Variants in TFRC observed in about 807,000 individuals in gnomAD.
TFRC encodes transferrin receptor protein 1.
A neutral mutation model predicts 85.8 loss-of-function variants in TFRC; 35 were observed. The observed-to-expected ratio is 0.41, with a 90% CI of 0.31 to 0.54. The LOEUF (loss-of-function observed/expected upper bound fraction) is 0.54, where lower values mean the gene tolerates loss of function less well. Among genes scored for constraint, TFRC ranks in the 20% least tolerant of loss-of-function variants. The probability of loss-of-function intolerance (pLI) is 0.31; values close to 1 mark genes in which losing one functional copy is unlikely to be tolerated. For missense variants in TFRC, 828 were observed against 921.5 expected, an observed-to-expected ratio of 0.90 and a Z score of 1.31; for synonymous variants, 362 against 328.6, an observed-to-expected ratio of 1.10 and a Z score of -1.10.
intron 9 of TFRC, among the ~76,000 whole-genome samples, chr3:196,067,172 A>T (rs1305626929): frequency 6.6e-6 from 1 of 152,256 alleles, no homozygotes; most frequent in African/African-American, 2.4e-5. Context: ...TTTTATCCCA[A>T]TATGAATTCT....
chr3:196,073,053 A>C (rs867292727), intron 4 of TFRC, among the ~76,000 whole-genome samples: 8 of 102,530 alleles, frequency 7.8e-5, no homozygotes, highest in South Asian at 3.2e-4. Flanking sequence ...AAAAAAAAAA[A>C]AAAAAAACCC....
At chr3:196,054,358 TCATGTCATTG>T (rs1716595920) in intron 17 of TFRC, among the ~76,000 whole-genome samples, 1 of 152,052 alleles carries the variant, frequency 6.6e-6, no homozygotes, top group African/African-American at 2.4e-5. Flanking sequence ...TGAGCCGAGA[TCATGTCATTG>T]CATTCCAGCC....
At chr3:196,073,878 T>A (rs950823595) in intron 4 of TFRC, 52 bp downstream of exon 4, 7 of 1,557,286 alleles carry the variant, frequency 4.5e-6, no homozygotes, top group Non-Finnish European at 6.1e-6. Context: ...CCGTGGCCTA[T>A]CATAATTCTT....
chr3:196,072,623 C>T (rs145294053), intron 4 of TFRC, among the ~76,000 whole-genome samples: 184 of 152,212 alleles, frequency 1.2e-3, no homozygotes, highest in South Asian at 7.7e-3. Context: ...GTGGACTATA[C>T]TCTCACTTTA....
chr3:196,051,638 G>C lies in TFRC; in HGVS notation c.*304C>G, dbSNP rs1716314965. 8.3e-6 allele frequency: 3 copies of C among 363,466 alleles called. No homozygotes were observed. Among genetic ancestry groups the C allele is most frequent in the African/African-American group, 6.2e-5 (3 of 48,292 alleles). 22.5% of individuals were successfully genotyped at this position (363,466 alleles called of 1,614,324 possible). On this transcript the variant is annotated 3_prime_UTR_variant, in exon 19 of 19. Transcript: ENST00000360110. ...TTCAGAGAGATCATTCACATAACTGGTTTCTGACATTTTCATTAACAACAA... is the reference window on the plus strand; with the variant it reads ...TTCAGAGAGATCATTCACATAACTGCTTTCTGACATTTTCATTAACAACAA...
chr3:196,051,931 G>A lies in TFRC; in HGVS notation c.*11C>T. ...ACCCTGCTGTTCTCATGGAAGCTATGGGTATCACATTTAAAACTCATTGTC... is the reference window on the plus strand; with the variant it reads ...ACCCTGCTGTTCTCATGGAAGCTATAGGTATCACATTTAAAACTCATTGTC... On this transcript the variant is annotated 3_prime_UTR_variant, in exon 19 of 19. Transcript: ENST00000360110. 1 of 1,613,208 alleles carries A rather than the reference G, an allele frequency of 6.2e-7. No individual in the cohort carries two copies. The highest frequency in any genetic ancestry group is 1.7e-4 in the Middle Eastern group (1 of 6,054).
chr3:196,067,732 A>G, intron 8 of TFRC, 75 bp from the exon 9 acceptor site: 1 of 1,537,664 alleles, frequency 6.5e-7, no homozygotes, highest in Non-Finnish European at 8.8e-7. Flanking sequence ...GGTTTGGTAT[A>G]AGGCTGCAGC....
chr3:196,051,509 A>G lies in TFRC; in HGVS notation c.*433T>C, dbSNP rs1459228798. 1 of 227,816 alleles carries G rather than the reference A, an allele frequency of 4.4e-6. No homozygotes were observed. Among genetic ancestry groups the G allele is most frequent in the East Asian group, 6.5e-5 (1 of 15,294 alleles). The allele number at this position is 227,816 out of a possible 1,614,324, so 14.1% of individuals were successfully genotyped here. On this transcript the variant is annotated 3_prime_UTR_variant, in exon 19 of 19. Transcript: ENST00000360110. ...GGAAAGGCTTAGATCTCATTTGGAG[A>G]AGGTCTTTCAACCTGGTATCTCCTA...
intron 16 of TFRC, among the ~76,000 whole-genome samples, chr3:196,057,361 G>A (rs1021541635): frequency 6.6e-6 from 1 of 151,992 alleles, no homozygotes; most frequent in African/African-American, 2.4e-5. Context: ...TTGCCCAATT[G>A]ATCACGACCC....
At chr3:196,069,379 TAAC>T (rs1254788644) in intron 7 of TFRC, 73 bp downstream of exon 7, 3 of 828,164 alleles carry the variant, frequency 3.6e-6, no homozygotes, top group African/African-American at 1.8e-5. Flanking sequence ...GTAAGAATAT[TAAC>T]AAGAAATATC....
intron 11 of TFRC, 56 bp from the exon 12 acceptor site, chr3:196,062,995 G>A (rs1225256166): frequency 9.1e-6 from 13 of 1,425,482 alleles, no homozygotes; most frequent in African/African-American, 1.4e-5. Context: ...AGACAAGGAT[G>A]GAAGGTATCC....
intron 1 of TFRC, among the ~76,000 whole-genome samples, chr3:196,077,468 A>C (rs974101456): frequency 4.0e-5 from 6 of 151,506 alleles, no homozygotes; most frequent in Non-Finnish European, 8.8e-5. Flanking sequence ...AGTGACACAT[A>C]CTGCTGGGCG....
chr3:196,064,386 G>A lies in TFRC; in HGVS notation c.1241C>T (p.Pro414Leu), dbSNP rs1353934899. 1 of 1,613,636 alleles carries A rather than the reference G, an allele frequency of 6.2e-7. No individual in the cohort carries two copies. Among genetic ancestry groups the A allele is most frequent in the Non-Finnish European group, 8.5e-7 (1 of 1,179,866 alleles). The change falls in exon 11 of 19, where the codon CCT becomes CTT. Residue 414 changes from proline to leucine, a missense_variant. By Grantham distance (98) the Pro-to-Leu change is moderately conservative. Coordinates refer to ENST00000360110, the MANE Select transcript of TFRC (RefSeq NM_001128148.3). ...VVGAQRDAWGPGAAKSGVGTA... is the reference protein window; with the variant it reads ...VVGAQRDAWGLGAAKSGVGTA... ...GCCTACACCGGATTTTGCAGCTCCA[G>A]GGCCCCATGCATCTCTCTGGGCCCC...
In TFRC at chr3:196,074,005, C is replaced by A. The variant is rs747082551; in HGVS notation, c.359G>T (p.Arg120Leu). ...CTTCAGGTCATCCCAATATAAGCGA[C>A]GTGCTGCAGGGAAGTCCTCTCCTGG... is the stretch of plus-strand genomic sequence containing the variant. ...EEPGEDFPAARRLYWDDLKRK... is the reference protein window; with the variant it reads ...EEPGEDFPAALRLYWDDLKRK... The change falls in exon 4 of 19, where the codon CGT becomes CTT. Residue 120 changes from arginine (R) to leucine (L), a missense_variant. Physicochemically the swap from Arg to Leu is moderately radical, Grantham distance 102 (BLOSUM62 -2). Coordinates refer to ENST00000360110, the MANE Select transcript of TFRC (RefSeq NM_001128148.3). 2 of 1,614,072 alleles carry A rather than the reference C, an allele frequency of 1.2e-6. No individual in the cohort carries two copies. Among genetic ancestry groups the A allele is most frequent in the Non-Finnish European group, 1.7e-6 (2 of 1,180,044 alleles).
rs1410981370 is a variant in TFRC, at chr3:196,069,517, A to G, written c.739T>C (p.Tyr247His). Residue 247 changes from tyrosine to histidine, a missense_variant, in exon 7 of 19, where the codon TAC becomes CAC. Coordinates refer to ENST00000360110, the MANE Select transcript of TFRC (RefSeq NM_001128148.3). Reference protein sequence around the residue: ...FGTKKDFEDLYTPVNGSIVIV... With the variant: ...FGTKKDFEDLHTPVNGSIVIV... Reference sequence around the variant, plus strand: ...ACTATAGATCCATTCACAGGAGTGTATAAATCCTCAAAATCTTTTTTAGTA... The same window carrying G: ...ACTATAGATCCATTCACAGGAGTGTGTAAATCCTCAAAATCTTTTTTAGTA... The G allele has an allele frequency of 6.2e-7, 1 of 1,613,676 alleles. No homozygotes were observed. Among genetic ancestry groups the G allele is most frequent in the Non-Finnish European group, 8.5e-7 (1 of 1,179,740 alleles).
At chr3:196,064,163 A>G in intron 11 of TFRC, 146 bp downstream of exon 11, 3 of 875,324 alleles carry the variant, frequency 3.4e-6, no homozygotes, top group Non-Finnish European at 4.8e-6. Context: ...AGGCAGCTAC[A>G]ACAAAAGACA....
At chr3:196,073,036 CA>C (rs56723183) in intron 4 of TFRC, among the ~76,000 whole-genome samples, 1,000 of 72,042 alleles carry the variant, frequency 0.014, 9 homozygotes, top group East Asian at 0.037. Context: ...CCCGTTTCTG[CA>C]AAAAAAAAAA....
chr3:196,069,579 G>C lies in TFRC; in HGVS notation c.688-11C>G, dbSNP rs1245672141. On this transcript the variant is annotated splice_polypyrimidine_tract_variant and intron_variant, in intron 6 of 18. Transcript: ENST00000360110. ...ATGGACCAGTTTACCCTAGAACAAAGACATTAGATTTAATGAGCATTATGG... is the reference window on the plus strand; with the variant it reads ...ATGGACCAGTTTACCCTAGAACAAACACATTAGATTTAATGAGCATTATGG... 1 of 1,494,562 alleles carries C rather than the reference G, an allele frequency of 6.7e-7. No homozygotes were observed. Among genetic ancestry groups the C allele is most frequent in the East Asian group, 2.3e-5 (1 of 44,136 alleles). The allele number at this position is 1,494,562 out of a possible 1,614,324, so 92.6% of individuals were successfully genotyped here.
Position 196,060,262 on chromosome 3 carries a change from T to G in TFRC, c.1469-15A>C. ...GTTGCTGGTACCTGAAAATAAATTG[T>G]TTTATCATTGCCCCTTCTCCATTCC... On this transcript the variant is annotated splice_polypyrimidine_tract_variant and intron_variant, in intron 13 of 18. Transcript: ENST00000360110. 1 of 1,611,396 alleles carries G rather than the reference T, an allele frequency of 6.2e-7. No individual in the cohort carries two copies.
Sources: allele counts gnomAD v4.1 joint callset (sites outside exome capture counted in the v4.1 genomes callset), GRCh38; gene constraint gnomAD v4.1.1; transcripts MANE v1.5; gene names NCBI Gene and HGNC (gene_info 2026-07-23, HGNC 2026-07-21).